Variants in UBE2R2 observed in about 807,000 individuals in gnomAD.
UBE2R2 encodes the protein ubiquitin-conjugating enzyme E2 R2.
In UBE2R2, 1 loss-of-function variant was observed where a neutral mutation model predicts 27.8. That is an observed-to-expected ratio of 0.04 (90% CI 0.01 to 0.17). UBE2R2 has a LOEUF of 0.17. UBE2R2 is among the 10% of genes least tolerant of loss of function. UBE2R2 has a pLI of 1.00. For synonymous variants in UBE2R2, 106 were observed against 113.3 expected (o/e 0.94, Z 0.41); for missense variants, 100 against 291.0 (o/e 0.34, Z 4.78).
chr9:33,897,288 G>A (rs936374666), intron 2 of UBE2R2, among the ~76,000 whole-genome samples: 2 of 148,466 alleles, frequency 1.3e-5, no homozygotes, highest in Non-Finnish European at 3.0e-5. Flanking sequence ...CGCTGGCCTC[G>A]GCCTCCCAAA....
At chr9:33,887,053 T>A in intron 2 of UBE2R2, 86 bp downstream of exon 2, 1 of 1,076,612 alleles carries the variant, frequency 9.3e-7, no homozygotes, top group East Asian at 2.5e-5. Context: ...CACACTTTGA[T>A]ACTTAGGCTT....
intron 1 of UBE2R2, among the ~76,000 whole-genome samples, chr9:33,852,361 A>T (rs528326516): frequency 6.6e-6 from 1 of 152,192 alleles, no homozygotes. Flanking sequence ...CCGGAGTTAC[A>T]GGAATCCAGC....
At chr9:33,828,030 G>A (rs936028643) in intron 1 of UBE2R2, among the ~76,000 whole-genome samples, 2 of 150,402 alleles carry the variant, frequency 1.3e-5, no homozygotes, top group Non-Finnish European at 3.0e-5. Context: ...ATTAGGCTGG[G>A]CACAGAGGCT....
intron 1 of UBE2R2, chr9:33,831,095 AAAG>A (rs1165268999): frequency 6.7e-6 from 1 of 150,000 alleles, no homozygotes; most frequent in Non-Finnish European, 1.5e-5. Context: ...AAAAAAAAAA[AAAG>A]AATAGGTAAA....
At chr9:33,827,902 C>T (rs1363792200) in intron 1 of UBE2R2, among the ~76,000 whole-genome samples, 4 of 150,764 alleles carry the variant, frequency 2.7e-5, no homozygotes, top group Admixed American at 6.6e-5. Flanking sequence ...ACCCGGGAGG[C>T]GGAGGTTGCA....
intron 2 of UBE2R2, among the ~76,000 whole-genome samples, chr9:33,888,367 C>T (rs954568762): frequency 9.9e-5 from 15 of 152,094 alleles, no homozygotes; most frequent in South Asian, 2.1e-4. Flanking sequence ...TTGCAGTGGT[C>T]TCATTTTTTC....
intron 1 of UBE2R2, among the ~76,000 whole-genome samples, chr9:33,825,447 G>T (rs1820294738): frequency 6.6e-6 from 1 of 151,924 alleles, no homozygotes; most frequent in South Asian, 2.1e-4. Flanking sequence ...CACCATGTTG[G>T]TCAGGGTGGT....
At chr9:33,887,079 A>G (rs1411707581) in intron 2 of UBE2R2, 112 bp downstream of exon 2, 1 of 840,824 alleles carries the variant, frequency 1.2e-6, no homozygotes, top group African/African-American at 1.8e-5. Context: ...GCCATAGAGA[A>G]ATATTAATGA....
At chr9:33,863,194 A>T (rs1298539070) in intron 1 of UBE2R2, among the ~76,000 whole-genome samples, 1 of 150,534 alleles carries the variant, frequency 6.6e-6, no homozygotes, top group Admixed American at 6.7e-5. Flanking sequence ...CCCTCAAAAA[A>T]AAAAAAAAAA....
chr9:33,874,181 C>A (rs2764318), intron 1 of UBE2R2, among the ~76,000 whole-genome samples: 4,678 of 152,134 alleles, frequency 0.031, 150 homozygotes, highest in East Asian at 0.089. Flanking sequence ...CTCCTGACTT[C>A]AAGTGATCTG....
intron 1 of UBE2R2, among the ~76,000 whole-genome samples, chr9:33,844,118 T>C (rs1289359543): frequency 6.6e-6 from 1 of 152,234 alleles, no homozygotes; most frequent in Non-Finnish European, 1.5e-5. Flanking sequence ...TGAGTAACCA[T>C]AAGCTTGAAA....
chr9:33,822,223 C>G (rs551378392), intron 1 of UBE2R2, among the ~76,000 whole-genome samples: 49 of 151,726 alleles, frequency 3.2e-4, no homozygotes, highest in African/African-American at 1.1e-3. Flanking sequence ...TCCTGAGTAG[C>G]TGGGATTACA....
chr9:33,830,586 G>A (rs973462020), intron 1 of UBE2R2, among the ~76,000 whole-genome samples: 22 of 151,198 alleles, frequency 1.5e-4, no homozygotes, highest in Admixed American at 7.2e-4. Context: ...GACCAACATC[G>A]TGAAACCCCC....
intron 1 of UBE2R2, among the ~76,000 whole-genome samples, chr9:33,835,037 T>C (rs1820585777): frequency 6.6e-6 from 1 of 152,068 alleles, no homozygotes; most frequent in Non-Finnish European, 1.5e-5. Context: ...CTTCCAGATA[T>C]GCATGTTGGG....
chr9:33,884,429 A>G (rs1045154750), intron 1 of UBE2R2, among the ~76,000 whole-genome samples: 2 of 150,764 alleles, frequency 1.3e-5, no homozygotes, highest in Admixed American at 1.3e-4. Context: ...GACCACAGAC[A>G]CCACCATACC....
chr9:33,871,347 A>G (rs1037910346), intron 1 of UBE2R2, among the ~76,000 whole-genome samples: 2 of 152,224 alleles, frequency 1.3e-5, no homozygotes, highest in Non-Finnish European at 1.5e-5. Flanking sequence ...TTACATAAAT[A>G]GTGTTTGTAT....
intron 2 of UBE2R2, among the ~76,000 whole-genome samples, chr9:33,898,588 T>C (rs1822176065): frequency 6.6e-6 from 1 of 152,170 alleles, no homozygotes; most frequent in South Asian, 2.1e-4. Context: ...ATACCTCCAG[T>C]TTTTTAAAAA....
chr9:33,900,967 C>G (rs1198144050), intron 3 of UBE2R2, among the ~76,000 whole-genome samples: 1 of 152,080 alleles, frequency 6.6e-6, no homozygotes, highest in Non-Finnish European at 1.5e-5. Context: ...GTCTCTGTCT[C>G]TTGTCTTTGA....
intron 1 of UBE2R2, among the ~76,000 whole-genome samples, chr9:33,828,408 T>G (rs1398926806): frequency 6.6e-6 from 1 of 151,488 alleles, no homozygotes; most frequent in Non-Finnish European, 1.5e-5. Context: ...TTTTTTTTTT[T>G]TTGCAGACAG....
Sources: gnomAD v4.1 joint callset for allele counts (sites outside exome capture counted in the v4.1 genomes callset) on GRCh38, gnomAD v4.1.1 for gene constraint, MANE v1.5 for transcripts, NCBI Gene and HGNC (gene_info 2026-07-23, HGNC 2026-07-21) for gene names.